The following PIGN variants were observed in gnomAD, a reference collection of about 807,000 sequenced individuals.
PIGN encodes the protein GPI ethanolamine phosphate transferase 1.
Under a neutral mutation model 125.4 loss-of-function variants are expected in PIGN, and 117 were observed. The observed-to-expected ratio is 0.93, with a 90% confidence interval of 0.80 to 1.09. PIGN has a LOEUF of 1.09. PIGN is among the 50% of genes least tolerant of loss of function. The probability of loss-of-function intolerance (pLI) is 0.00; values close to 1 mark genes in which losing one functional copy is unlikely to be tolerated. For missense variants in PIGN, 1,075 were observed against 1,094.9 expected (o/e 0.98, Z 0.26); for synonymous variants, 392 against 377.8 (o/e 1.04, Z -0.44).
intron 14 of PIGN, among the ~76,000 whole-genome samples, chr18:62,130,671 T>C (rs1312096914): frequency 5.3e-5 from 8 of 152,186 alleles, no homozygotes. Flanking sequence ...CCAAGAATTT[T>C]ATCAATTATT....
intron 22 of PIGN, 43 bp from the exon 23 acceptor site, chr18:62,095,993 C>CA (rs745407020): frequency 5.7e-5 from 77 of 1,342,652 alleles, no homozygotes; most frequent in Middle Eastern, 1.8e-4. Context: ...ATAAGAGACA[C>CA]AAAAAAAATG....
intron 30 of PIGN, among the ~76,000 whole-genome samples, chr18:62,070,989 T>C (rs2032813777): frequency 6.6e-6 from 1 of 152,030 alleles, no homozygotes; most frequent in South Asian, 2.1e-4. Flanking sequence ...TTTTGCTTTT[T>C]GTAGAAACAG....
intron 28 of PIGN, among the ~76,000 whole-genome samples, chr18:62,079,715 A>G (rs1199861660): frequency 6.6e-6 from 1 of 151,420 alleles, no homozygotes; most frequent in African/African-American, 2.4e-5. Context: ...ATAACTGTAG[A>G]AGAAAAAAAA....
At chr18:62,026,222 A>G (rs1489057371) in intron 23 of PIGN, among the ~76,000 whole-genome samples, 1 of 152,234 alleles carries the variant, frequency 6.6e-6, no homozygotes, top group African/African-American at 2.4e-5. Flanking sequence ...CTTAGGCGCT[A>G]AGGAAGCATT....
intron 28 of PIGN, among the ~76,000 whole-genome samples, chr18:62,076,348 A>G (rs1026384973): frequency 2.1e-4 from 32 of 152,048 alleles, no homozygotes; most frequent in African/African-American, 7.7e-4. Flanking sequence ...TAATTAAATT[A>G]TTTTTTTACT....
chr18:62,082,095 G>C (rs2033475573), intron 28 of PIGN, among the ~76,000 whole-genome samples: 1 of 152,082 alleles, frequency 6.6e-6, no homozygotes, highest in African/African-American at 2.4e-5. Context: ...AAAGCAAATA[G>C]TTGAGTTGAC....
At chr18:62,067,575 C>T (rs147166604) in intron 30 of PIGN, among the ~76,000 whole-genome samples, 1 of 152,314 alleles carries the variant, frequency 6.6e-6, no homozygotes, top group East Asian at 1.9e-4. Flanking sequence ...ATGGAGTACA[C>T]TATATACTCT....
chr18:62,026,288 A>G (rs1393898404), intron 23 of PIGN, among the ~76,000 whole-genome samples: 3 of 152,166 alleles, frequency 2.0e-5, no homozygotes, highest in Non-Finnish European at 4.4e-5. Flanking sequence ...AGTTAATGCT[A>G]TTATGTCCAT....
intron 14 of PIGN, among the ~76,000 whole-genome samples, chr18:62,122,973 GA>G (rs1209136973): frequency 6.6e-6 from 1 of 152,110 alleles, no homozygotes; most frequent in Non-Finnish European, 1.5e-5. Context: ...GTAAATTTTT[GA>G]TTAACAAAAA....
intron 23 of PIGN, 67 bp downstream of exon 23, chr18:62,095,781 T>C (rs1384276323): frequency 7.3e-6 from 6 of 825,326 alleles, no homozygotes; most frequent in African/African-American, 1.7e-5. Flanking sequence ...TAAATACTAA[T>C]AGAGAAAATA....
intron 14 of PIGN, among the ~76,000 whole-genome samples, chr18:62,135,137 A>G (rs2035877890): frequency 6.6e-6 from 1 of 152,188 alleles, no homozygotes; most frequent in Admixed American, 6.5e-5. Flanking sequence ...TAAATGTAGA[A>G]GTTATTTTTA....
chr18:62,118,479 C>A (rs17715024), intron 14 of PIGN: 25,708 of 151,966 alleles, frequency 0.17, 2,931 homozygotes, highest in Middle Eastern at 0.29. Flanking sequence ...CAAAATTCTA[C>A]AAACTGTAAC....
At chr18:62,080,577 T>C (rs186601123) in intron 28 of PIGN, among the ~76,000 whole-genome samples, 10 of 152,304 alleles carry the variant, frequency 6.6e-5, no homozygotes, top group Non-Finnish European at 1.2e-4. Context: ...TCGGCTGACA[T>C]ATCTCCTTGC....
intron 23 of PIGN, among the ~76,000 whole-genome samples, chr18:62,020,312 C>T (rs1173264605): frequency 2.0e-5 from 3 of 152,170 alleles, no homozygotes; most frequent in African/African-American, 7.2e-5. Context: ...AGCACAAAAT[C>T]CAACACTCTA....
intron 23 of PIGN, among the ~76,000 whole-genome samples, chr18:62,025,160 T>C (rs74739717): frequency 0.017 from 2,600 of 152,370 alleles, 32 homozygotes; most frequent in East Asian, 0.06. Context: ...ATGTTCATCA[T>C]GTTCAAACTT....
chr18:62,023,592 C>A (rs1805691500), intron 23 of PIGN, among the ~76,000 whole-genome samples: 1 of 152,214 alleles, frequency 6.6e-6, no homozygotes, highest in Non-Finnish European at 1.5e-5. Context: ...CCACCATGAA[C>A]TATTTCTTCT....
intron 22 of PIGN, among the ~76,000 whole-genome samples, chr18:62,096,325 A>T (rs1488792204): frequency 1.3e-5 from 2 of 151,918 alleles, no homozygotes; most frequent in Non-Finnish European, 2.9e-5. Context: ...GAAGCTCTGA[A>T]TAATCTAGTA....
At chr18:62,103,219 T>C (rs1001639369) in intron 20 of PIGN, among the ~76,000 whole-genome samples, 23 of 152,330 alleles carry the variant, frequency 1.5e-4, no homozygotes, top group African/African-American at 5.3e-4. Flanking sequence ...AATACTATAA[T>C]ATTTAGCCTG....
chr18:62,061,721 C>T (rs1341288062), intron 30 of PIGN, among the ~76,000 whole-genome samples: 3 of 152,060 alleles, frequency 2.0e-5, no homozygotes, highest in African/African-American at 7.2e-5. Context: ...GGAGCTCTGC[C>T]GGTCAGTTTA....
Sources: allele counts gnomAD v4.1 joint callset (sites outside exome capture counted in the v4.1 genomes callset), GRCh38; gene constraint gnomAD v4.1.1; transcripts MANE v1.5; gene names NCBI Gene and HGNC (gene_info 2026-07-23, HGNC 2026-07-21).